RBFOX3: variants seen among roughly 807,000 people sequenced by gnomAD.
RBFOX3 encodes the protein RNA binding protein fox-1 homolog 3.
RBFOX3 carries 17 observed loss-of-function variants against 48.7 expected under a neutral mutation model. The observed-to-expected ratio is 0.35, with a 90% CI of 0.24 to 0.52. The LOEUF (loss-of-function observed/expected upper bound fraction) is 0.52. RBFOX3 is among the 20% of genes least tolerant of loss of function. The pLI, the probability that RBFOX3 is intolerant of heterozygous loss-of-function variation, is 0.94. For missense variants in RBFOX3, 382 were observed against 497.5 expected (o/e 0.77, Z 2.21); for synonymous variants, 212 against 209.5 (o/e 1.01, Z -0.10).
chr17:79,395,430 C>T lies in RBFOX3; in HGVS notation c.-175+87024G>A, dbSNP rs58438923. ...TGGCCTCGCTTAAGCTGCATCACAT[C>T]TGTGAGCCACACACGGCTCCATTTG... On this transcript the variant is annotated intron_variant, in intron 2 of 14. Transcript: ENST00000693108. Among the ~76,000 whole-genome samples, 827 of 152,352 alleles carry T rather than the reference C, an allele frequency of 5.4e-3. 10 individuals carry two copies. The highest frequency in any genetic ancestry group is 0.019 in the African/African-American group (802 of 41,586).
chr17:79,485,479 CTTT>C (rs2079436295), intron 1 of RBFOX3, among the ~76,000 whole-genome samples: 1 of 152,146 alleles, frequency 6.6e-6, no homozygotes, highest in African/African-American at 2.4e-5. Context: ...GCACAGAAAT[CTTT>C]AAGTGTCATG....
At chr17:79,123,633 G>T (rs970754229) in intron 4 of RBFOX3, among the ~76,000 whole-genome samples, 29 of 123,834 alleles carry the variant, frequency 2.3e-4, no homozygotes, top group African/African-American at 8.5e-4. Context: ...GGGCGTGCTC[G>T]CTGACCAAGC....
chr17:79,583,787 T>C (rs2093153521), intron 1 of RBFOX3, among the ~76,000 whole-genome samples: 2 of 152,056 alleles, frequency 1.3e-5, no homozygotes, highest in Non-Finnish European at 2.9e-5. Context: ...CACCTCCCAC[T>C]CAGTAGCCAA....
In RBFOX3 at chr17:79,195,995, A is replaced by G. The variant is rs1453600405; in HGVS notation, c.-34+39771T>C. Among the ~76,000 whole-genome samples, 1 of 152,196 alleles carries G rather than the reference A, an allele frequency of 6.6e-6. No homozygotes were observed. The highest frequency in any genetic ancestry group is 1.5e-5 in the Non-Finnish European group (1 of 68,040). ...TGGACAAATTGGATCTCAGGCACCC[A>G]GAGCACCCTCAGCCTCATGCTCCAC... On this transcript the variant is annotated intron_variant, in intron 4 of 14. Coordinates refer to ENST00000693108, the MANE Select transcript of RBFOX3 (RefSeq NM_001350451.2). This position sits in a 1 kb window ranked among gnomAD's most constrained non-coding sequence, Gnocchi z 5.3.
chr17:79,177,223 C>A (rs1568288084), intron 4 of RBFOX3, among the ~76,000 whole-genome samples: 1 of 152,050 alleles, frequency 6.6e-6, no homozygotes, highest in African/African-American at 2.4e-5. Flanking sequence ...CCCCCGCCCT[C>A]TCCCCAGCCT....
chr17:79,089,696 A>AT lies in RBFOX3; in HGVS notation c.*1186dup, dbSNP rs924764514. 20 of 152,538 alleles carry AT rather than the reference A, an allele frequency of 1.3e-4. No homozygotes were observed. The highest frequency in any genetic ancestry group is 4.8e-4 in the African/African-American group (20 of 41,424). 9.4% of individuals were successfully genotyped at this position (152,538 alleles called of 1,614,324 possible). A position where few individuals can be genotyped will look rare whatever the true frequency, so the allele number is the denominator to read the frequency against. ...CAGTGGAGCCACGTTGGGAGCCTGT[A>AT]TTTTTTGCTGCTTCCCTACTTCAGT... On this transcript the variant is annotated 3_prime_UTR_variant, in exon 15 of 15. Coordinates refer to ENST00000693108, the MANE Select transcript of RBFOX3 (RefSeq NM_001350451.2).
At chr17:79,490,967 C>T (rs1448333811) in intron 1 of RBFOX3, among the ~76,000 whole-genome samples, 1 of 145,642 alleles carries the variant, frequency 6.9e-6, no homozygotes, top group African/African-American at 2.6e-5. Flanking sequence ...AGCAGAGGTA[C>T]TGCATTCATG....
At chr17:79,373,251 C>G (rs60801662) in intron 2 of RBFOX3, among the ~76,000 whole-genome samples, 1 of 152,064 alleles carries the variant, frequency 6.6e-6, no homozygotes, top group Non-Finnish European at 1.5e-5. Flanking sequence ...CCTACGGCCC[C>G]CACACATACA....
At chr17:79,192,504 G>A (rs769271858) in intron 4 of RBFOX3, among the ~76,000 whole-genome samples, 1 of 152,190 alleles carries the variant, frequency 6.6e-6, no homozygotes, top group Non-Finnish European at 1.5e-5. Flanking sequence ...CCTTCAAATC[G>A]CTCTGTGGCC....
At chr17:79,355,700 C>T (rs187386954) in intron 2 of RBFOX3, among the ~76,000 whole-genome samples, 1 of 152,206 alleles carries the variant, frequency 6.6e-6, no homozygotes, top group African/African-American at 2.4e-5. Context: ...CCTGCCTCAG[C>T]CTTCCTAGTA....
chr17:79,546,468 C>T lies in RBFOX3; in HGVS notation c.-319-63870G>A, dbSNP rs782012853. The stretch of plus-strand genomic sequence containing the variant: ...ATTTCCAGCACCCCAAAGAGCAAGA[C>T]GACTCCCTAAACAGGGTTGATCGAT... On this transcript the variant is annotated intron_variant, in intron 1 of 14. Coordinates refer to ENST00000693108, the MANE Select transcript of RBFOX3 (RefSeq NM_001350451.2). 3.3e-5 allele frequency among the ~76,000 whole-genome samples: 5 copies of T among 152,116 alleles called. 1 individual carries two copies. The highest frequency in any genetic ancestry group is 1.2e-4 in the African/African-American group (5 of 41,402).
At position 79,477,341 on chromosome 17, in the gene RBFOX3, G is replaced by A. The variant is rs1283892138; in HGVS notation, c.-175+5113C>T. ...GGAGGCCAAGGCAGGTGGATCACGA[G>A]GTCAGGAGATCGAGATCATCCTGGC... On this transcript the variant is annotated intron_variant, in intron 2 of 14. Transcript: ENST00000693108. The surrounding 1 kb of genome is among the most constrained non-coding windows in gnomAD (Gnocchi z 4.8). Among the ~76,000 whole-genome samples, 6 of 151,138 alleles carry A rather than the reference G, an allele frequency of 4.0e-5. No homozygotes were observed. The highest frequency in any genetic ancestry group is 1.9e-4 in the East Asian group (1 of 5,162).
At chr17:79,629,496 G>T in the RBFOX3 span, among the ~76,000 whole-genome samples, 2 of 152,102 alleles carry the variant, frequency 1.3e-5, no homozygotes, top group African/African-American at 4.8e-5. Context: ...TGCACCCAGT[G>T]CTTCAGGGGG....
intron 4 of RBFOX3, among the ~76,000 whole-genome samples, chr17:79,139,077 C>G (rs145212735): frequency 3.5e-4 from 53 of 150,224 alleles, no homozygotes; most frequent in Admixed American, 1.7e-3. Flanking sequence ...CCCACACACA[C>G]ATGCACACAA....
chr17:79,219,192 C>G (rs549545984), intron 4 of RBFOX3, among the ~76,000 whole-genome samples: 1 of 152,274 alleles, frequency 6.6e-6, no homozygotes, highest in South Asian at 2.1e-4. Context: ...ACCCAGAGGT[C>G]AGGCTGGGAA....
chr17:79,439,054 T>G (rs2070225481), intron 2 of RBFOX3, among the ~76,000 whole-genome samples: 2 of 152,214 alleles, frequency 1.3e-5, no homozygotes, highest in African/African-American at 4.8e-5. Flanking sequence ...CCCGGCAGAA[T>G]CCCAGGATGA....
chr17:79,218,086 C>T (rs1319169244), intron 4 of RBFOX3, among the ~76,000 whole-genome samples: 3 of 151,998 alleles, frequency 2.0e-5, no homozygotes, highest in Admixed American at 6.6e-5. Flanking sequence ...ACTGGTGATC[C>T]GCAGGGCAAG....
chr17:79,393,207 G>T (rs542024525), intron 2 of RBFOX3, among the ~76,000 whole-genome samples: 1 of 152,328 alleles, frequency 6.6e-6, no homozygotes, highest in African/African-American at 2.4e-5. Flanking sequence ...GACGGATTTG[G>T]GGTTTCACAG....
At chr17:79,564,658 C>T (rs1232661685) in intron 1 of RBFOX3, among the ~76,000 whole-genome samples, 4 of 152,162 alleles carry the variant, frequency 2.6e-5, no homozygotes, top group African/African-American at 7.2e-5. Flanking sequence ...AAACTGGAAA[C>T]AACCCAAACA....
Sources: allele counts gnomAD v4.1 joint callset (sites outside exome capture counted in the v4.1 genomes callset), GRCh38; gene constraint gnomAD v4.1.1; non-coding constraint Gnocchi (gnomAD v3.1); transcripts MANE v1.5; gene names NCBI Gene and HGNC (gene_info 2026-07-23, HGNC 2026-07-21).